Variants in BAZ1A observed in about 807,000 individuals in gnomAD.
BAZ1A encodes the protein bromodomain adjacent to zinc finger domain 1A, also known as bromodomain adjacent to zinc finger domain protein 1A.
BAZ1A carries 50 observed loss-of-function variants against 185.2 expected under a neutral mutation model. The ratio of observed to expected loss-of-function variants is 0.27; its 90% CI spans 0.22 to 0.34. The LOEUF is 0.34. Ranked by LOEUF, BAZ1A falls within the 10% of genes least tolerant of loss-of-function variation. The probability of loss-of-function intolerance (pLI) is 1.00; values close to 1 mark genes in which losing one functional copy is unlikely to be tolerated. For missense variants in BAZ1A, 1,356 were observed against 1,839.9 expected (o/e 0.74, Z 4.81); for synonymous variants, 571 against 615.6 (o/e 0.93, Z 1.07).
chr14:34,783,081 T>C, intron 16 of BAZ1A, 38 bp downstream of exon 16: 1 of 1,420,078 alleles, frequency 7.0e-7, no homozygotes, highest in African/African-American at 1.4e-5. Flanking sequence ...ATTCTTTATG[T>C]ATGGTAAAGC....
chr14:34,856,859 C>A (rs1445332374), intron 3 of BAZ1A, among the ~76,000 whole-genome samples: 230 of 73,938 alleles, frequency 3.1e-3, no homozygotes, highest in African/African-American at 8.1e-3. Flanking sequence ...AACTCGGTCT[C>A]AAAAAAAAAA....
At chr14:34,766,781 T>C (rs993329586) in intron 21 of BAZ1A, among the ~76,000 whole-genome samples, 5 of 152,138 alleles carry the variant, frequency 3.3e-5, no homozygotes, top group Admixed American at 6.5e-5. Context: ...TCTGAAAAGA[T>C]TTTCACAGAT....
At chr14:34,855,026 C>G (rs916683139) in intron 3 of BAZ1A, among the ~76,000 whole-genome samples, 2 of 152,152 alleles carry the variant, frequency 1.3e-5, no homozygotes, top group African/African-American at 4.8e-5. Flanking sequence ...TTGCAGTGAG[C>G]TGAGATCGCG....
chr14:34,871,281 C>T (rs898513271), intron 2 of BAZ1A, among the ~76,000 whole-genome samples: 6 of 152,350 alleles, frequency 3.9e-5, no homozygotes, highest in Middle Eastern at 3.4e-3. Flanking sequence ...TGATCTCAAA[C>T]TCTTGGCCTC....
At chr14:34,806,330 C>A (rs1334442323) in intron 6 of BAZ1A, among the ~76,000 whole-genome samples, 1 of 152,088 alleles carries the variant, frequency 6.6e-6, no homozygotes, top group South Asian at 2.1e-4. Context: ...TTCAGGGGTG[C>A]ATTTGCAGGT....
intron 2 of BAZ1A, among the ~76,000 whole-genome samples, chr14:34,865,235 G>T (rs1479343002): frequency 6.6e-6 from 1 of 151,978 alleles, no homozygotes; most frequent in African/African-American, 2.4e-5. Flanking sequence ...GTAAGAGTGA[G>T]ACTGTCTGAA....
chr14:34,820,592 T>G (rs994598227), intron 4 of BAZ1A, among the ~76,000 whole-genome samples: 1 of 152,234 alleles, frequency 6.6e-6, no homozygotes, highest in Non-Finnish European at 1.5e-5. Context: ...CAAGTCCAGT[T>G]TATCAGTTAC....
At chr14:34,810,786 T>C (rs1220487289) in intron 5 of BAZ1A, 149 bp downstream of exon 5, 2 of 594,542 alleles carry the variant, frequency 3.4e-6, no homozygotes, top group Non-Finnish European at 5.7e-6. Context: ...GGATTTATTT[T>C]AATCAGTCTA....
At chr14:34,798,513 A>T (rs1566568340) in intron 9 of BAZ1A, among the ~76,000 whole-genome samples, 1 of 152,230 alleles carries the variant, frequency 6.6e-6, no homozygotes. Flanking sequence ...CTGTTCTGCA[A>T]TATTTGCTGT....
chr14:34,825,696 G>A (rs888794388), intron 4 of BAZ1A, among the ~76,000 whole-genome samples: 9 of 152,146 alleles, frequency 5.9e-5, no homozygotes, highest in African/African-American at 2.2e-4. Flanking sequence ...CCAGCACTTT[G>A]AGGGGCCGAG....
chr14:34,795,907 A>G, intron 9 of BAZ1A, 142 bp from the exon 10 acceptor site: 1 of 594,020 alleles, frequency 1.7e-6, no homozygotes, highest in South Asian at 2.3e-5. Context: ...GTTAGGACTT[A>G]GCAACTGGTG....
intron 3 of BAZ1A, among the ~76,000 whole-genome samples, chr14:34,861,722 G>C (rs61988035): frequency 1.8e-4 from 28 of 152,138 alleles, no homozygotes; most frequent in Non-Finnish European, 3.1e-4. Context: ...TAACCTTCAA[G>C]ATCTTTTAAG....
intron 23 of BAZ1A, 82 bp downstream of exon 23, chr14:34,764,625 A>G: frequency 6.6e-7 from 1 of 1,514,050 alleles, no homozygotes; most frequent in Non-Finnish European, 8.9e-7. Flanking sequence ...TACAGACCCT[A>G]ACTATTCCAT....
chr14:34,756,267 C>T (rs1360118461), intron 25 of BAZ1A, among the ~76,000 whole-genome samples: 1 of 151,240 alleles, frequency 6.6e-6, no homozygotes, highest in Admixed American at 6.6e-5. Context: ...GTGTGTGCCA[C>T]CATGCCCGGC....
chr14:34,856,963 G>A (rs2042690819), intron 3 of BAZ1A, among the ~76,000 whole-genome samples: 1 of 149,682 alleles, frequency 6.7e-6, no homozygotes, highest in African/African-American at 2.4e-5. Context: ...TGAGTGCAAA[G>A]ATGGCTAAAC....
intron 4 of BAZ1A, among the ~76,000 whole-genome samples, chr14:34,824,835 C>T (rs77374576): frequency 0.02 from 3,017 of 152,116 alleles, 43 homozygotes; most frequent in South Asian, 0.039. Flanking sequence ...AAATAGGAAA[C>T]CAAGAAAGAC....
intron 3 of BAZ1A, among the ~76,000 whole-genome samples, chr14:34,826,654 G>A (rs2138717255): frequency 6.6e-6 from 1 of 152,224 alleles, no homozygotes; most frequent in South Asian, 2.1e-4. Context: ...TCACAAATTT[G>A]TGAATTTTCT....
At chr14:34,778,985 G>C (rs553547084) in intron 17 of BAZ1A, among the ~76,000 whole-genome samples, 76 of 152,280 alleles carry the variant, frequency 5.0e-4, no homozygotes, top group Non-Finnish European at 7.3e-4. Context: ...CTACTGAGTA[G>C]CTGGGACTAC....
intron 25 of BAZ1A, 114 bp downstream of exon 25, chr14:34,758,590 C>A: frequency 8.8e-7 from 1 of 1,133,466 alleles, no homozygotes. Flanking sequence ...GAAAAAACAA[C>A]AACAACAAAA....
Sources: allele counts gnomAD v4.1 joint callset (sites outside exome capture counted in the v4.1 genomes callset), GRCh38; gene constraint gnomAD v4.1.1; transcripts MANE v1.5; gene names NCBI Gene and HGNC (gene_info 2026-07-23, HGNC 2026-07-21).